Variants in UBE2E2 observed in about 807,000 individuals in gnomAD.
UBE2E2 encodes the protein ubiquitin-conjugating enzyme E2 E2.
UBE2E2 carries 6 observed loss-of-function variants against 24.7 expected under a neutral mutation model. The observed-to-expected ratio is 0.24, with a 90% confidence interval of 0.13 to 0.48. The LOEUF (loss-of-function observed/expected upper bound fraction) is 0.48, where lower values mean the gene tolerates loss of function less well. Among genes scored for constraint, UBE2E2 ranks in the 20% least tolerant of loss-of-function variants. The pLI is 0.99. For synonymous variants in UBE2E2, 104 were observed against 83.6 expected, an observed-to-expected ratio of 1.24 and a Z score of -1.33; for missense variants, 169 against 245.0, an observed-to-expected ratio of 0.69 and a Z score of 2.07.
intron 3 of UBE2E2, among the ~76,000 whole-genome samples, chr3:23,279,522 G>A (rs1477889853): frequency 6.6e-6 from 1 of 152,154 alleles, no homozygotes; most frequent in Non-Finnish European, 1.5e-5. Context: ...TCACTTTGGG[G>A]TGGGGTTTTA....
At chr3:23,521,249 TAAAGA>T (rs758992710) in intron 4 of UBE2E2, among the ~76,000 whole-genome samples, 7 of 152,186 alleles carry the variant, frequency 4.6e-5, no homozygotes, top group Non-Finnish European at 1.0e-4. Flanking sequence ...ATAAAAAATG[TAAAGA>T]AAAGAAACGA....
intron 3 of UBE2E2, among the ~76,000 whole-genome samples, chr3:23,241,839 C>T (rs1177709040): frequency 6.6e-6 from 1 of 152,098 alleles, no homozygotes; most frequent in Non-Finnish European, 1.5e-5. Context: ...GGCAACATAA[C>T]ATTATTACCA....
chr3:23,432,909 T>C (rs1382599978), intron 3 of UBE2E2, among the ~76,000 whole-genome samples: 1 of 151,886 alleles, frequency 6.6e-6, no homozygotes, highest in African/African-American at 2.4e-5. Context: ...TGTGTGGTTC[T>C]ATAAGAATAG....
At chr3:23,439,207 G>C (rs896854152) in intron 3 of UBE2E2, among the ~76,000 whole-genome samples, 4 of 152,184 alleles carry the variant, frequency 2.6e-5, no homozygotes, top group Non-Finnish European at 5.9e-5. Flanking sequence ...TATGTGTACA[G>C]GGGAAGGCTA....
At chr3:23,505,210 C>T (rs1053179173) in intron 4 of UBE2E2, among the ~76,000 whole-genome samples, 3 of 151,626 alleles carry the variant, frequency 2.0e-5, no homozygotes, top group Non-Finnish European at 2.9e-5. Context: ...CATGAGCCAC[C>T]GCCGCCGGCC....
chr3:23,400,686 A>G (rs919570645), intron 3 of UBE2E2, among the ~76,000 whole-genome samples: 4 of 151,756 alleles, frequency 2.6e-5, no homozygotes, highest in African/African-American at 7.3e-5. Context: ...GAATTCATTT[A>G]TTATCCACTT....
intron 4 of UBE2E2, among the ~76,000 whole-genome samples, chr3:23,518,706 C>T (rs58718028): frequency 0.25 from 37,773 of 152,096 alleles, 4,742 homozygotes; most frequent in East Asian, 0.37. Flanking sequence ...TAAGTTCTGG[C>T]TGCTGTGTGC....
At chr3:23,543,233 T>TAA (rs1308673584) in intron 5 of UBE2E2, among the ~76,000 whole-genome samples, 1 of 152,098 alleles carries the variant, frequency 6.6e-6, no homozygotes, top group Non-Finnish European at 1.5e-5. Flanking sequence ...GAGAAAGAAA[T>TAA]AAAGGGCATC....
At chr3:23,277,417 A>G (rs547705963) in intron 3 of UBE2E2, among the ~76,000 whole-genome samples, 7 of 152,100 alleles carry the variant, frequency 4.6e-5, no homozygotes, top group Non-Finnish European at 7.4e-5. Flanking sequence ...GCAGGCTTCA[A>G]GGGTCAACGT....
In UBE2E2 at chr3:23,474,389, C is replaced by T. The variant is rs372359834; in HGVS notation, c.228-25219C>T. On this transcript the variant is annotated intron_variant, in intron 3 of 5. Coordinates refer to ENST00000396703, the MANE Select transcript of UBE2E2 (RefSeq NM_152653.4). The surrounding 1 kb of genome is among the most constrained non-coding windows in gnomAD (Gnocchi z 4.0). ...TATTTCTTACAGTCATTCTAGTCCTCATTTTAAAATGCAAATTTGGTACAA... is the reference window on the plus strand; with the variant it reads ...TATTTCTTACAGTCATTCTAGTCCTTATTTTAAAATGCAAATTTGGTACAA... 2.0e-5 allele frequency among the ~76,000 whole-genome samples: 3 copies of T among 151,978 alleles called. No individual in the cohort carries two copies. Among genetic ancestry groups the T allele is most frequent in the South Asian group, 2.1e-4 (1 of 4,828 alleles).
intron 2 of UBE2E2, among the ~76,000 whole-genome samples, chr3:23,216,471 C>T (rs982531441): frequency 1.5e-4 from 23 of 152,064 alleles, no homozygotes; most frequent in African/African-American, 5.3e-4. Context: ...AGAACCAAGG[C>T]AAAGGAGAAG....
chr3:23,582,370 A>G (rs543435155), intron 5 of UBE2E2, among the ~76,000 whole-genome samples: 45 of 152,312 alleles, frequency 3.0e-4, no homozygotes, highest in Middle Eastern at 3.4e-3. Context: ...TGGTGAACAT[A>G]CACATACATG....
intron 3 of UBE2E2, among the ~76,000 whole-genome samples, chr3:23,323,864 A>G (rs1165436041): frequency 6.6e-6 from 1 of 152,116 alleles, no homozygotes; most frequent in African/African-American, 2.4e-5. Flanking sequence ...ACTTGGTACA[A>G]GTATTATTTG....
chr3:23,548,096 T>C (rs1299488448), intron 5 of UBE2E2, among the ~76,000 whole-genome samples: 2 of 152,176 alleles, frequency 1.3e-5, no homozygotes, highest in African/African-American at 2.4e-5. Context: ...TATATACATA[T>C]GTTCTCACAT....
chr3:23,353,516 C>T (rs1177330718), intron 3 of UBE2E2, among the ~76,000 whole-genome samples: 1 of 152,184 alleles, frequency 6.6e-6, no homozygotes, highest in African/African-American at 2.4e-5. Flanking sequence ...TCTCCTTAAG[C>T]TGATAAGCAA....
chr3:23,208,062 C>T (rs1696199291), intron 1 of UBE2E2, among the ~76,000 whole-genome samples: 1 of 151,920 alleles, frequency 6.6e-6, no homozygotes, highest in African/African-American at 2.4e-5. Flanking sequence ...GAGACAGGGT[C>T]TTGCTCTGTC....
Position 23,324,195 on chromosome 3 carries a change from T to C in UBE2E2, c.227+106883T>C, listed in dbSNP as rs547115681. On this transcript the variant is annotated intron_variant, in intron 3 of 5. Coordinates refer to ENST00000396703, the MANE Select transcript of UBE2E2 (RefSeq NM_152653.4). ...GTTTATTCCTGTTCCACTGCATCAC[T>C]TATGATTATTTGGGACCTGGATGAA... Among the ~76,000 whole-genome samples, 12 of 152,290 alleles carry C rather than the reference T, an allele frequency of 7.9e-5. 1 individual carries two copies. The South Asian group carries it at 2.3e-3, about 29-fold the overall frequency.
intron 3 of UBE2E2, among the ~76,000 whole-genome samples, chr3:23,379,987 A>C (rs1216244210): frequency 6.6e-6 from 1 of 151,362 alleles, no homozygotes; most frequent in Non-Finnish European, 1.5e-5. Flanking sequence ...AGATACTGTC[A>C]CTTTATCATA....
intron 3 of UBE2E2, among the ~76,000 whole-genome samples, chr3:23,422,076 T>A (rs1365254146): frequency 3.3e-5 from 5 of 152,206 alleles, no homozygotes. Context: ...TGAGCTGTTT[T>A]GTTGTATTGA....
Sources: gnomAD v4.1 joint callset for allele counts (sites outside exome capture counted in the v4.1 genomes callset) on GRCh38, gnomAD v4.1.1 for gene constraint, Gnocchi (gnomAD v3.1) non-coding constraint, MANE v1.5 for transcripts, NCBI Gene and HGNC (gene_info 2026-07-23, HGNC 2026-07-21) for gene names.